Variants in GRIN2B observed in about 807,000 individuals in gnomAD.
GRIN2B encodes glutamate ionotropic receptor NMDA type subunit 2B, also known as glutamate receptor ionotropic, NMDA 2B.
A neutral mutation model predicts 114.5 loss-of-function variants in GRIN2B; 5 were observed. The ratio of observed to expected loss-of-function variants is 0.04; its 90% CI spans 0.02 to 0.09. The LOEUF is 0.09. GRIN2B is among the 10% of genes least tolerant of loss of function. GRIN2B has a pLI of 1.00. For missense variants in GRIN2B, 1,108 were observed against 1,943.5 expected (o/e 0.57, Z 8.08); for synonymous variants, 787 against 745.1 (o/e 1.06, Z -0.92).
Position 13,552,955 on chromosome 12 carries a change from C to G in GRIN2B, c.*9828G>C, listed in dbSNP as rs1348858150. The G allele has an allele frequency of 6.6e-6, 1 of 152,104 alleles. No homozygotes were observed. Among genetic ancestry groups the G allele is most frequent in the Non-Finnish European group, 1.5e-5 (1 of 68,012 alleles). The allele number at this position is 152,104 out of a possible 1,614,324, so 9.4% of individuals were successfully genotyped here. A position where few individuals can be genotyped will look rare whatever the true frequency, so the allele number is the denominator to read the frequency against. Reference sequence around the variant, plus strand: ...CTGTAACTTATTTGAGTTCAGTTCTCTATAGTATGCTTTAAATTAGCACAC... The same window carrying G: ...CTGTAACTTATTTGAGTTCAGTTCTGTATAGTATGCTTTAAATTAGCACAC... On this transcript the variant is annotated 3_prime_UTR_variant, in exon 14 of 14. Coordinates refer to ENST00000609686, the MANE Select transcript of GRIN2B (RefSeq NM_000834.5).
At chr12:13,622,849 A>C (rs984746404) in intron 5 of GRIN2B, among the ~76,000 whole-genome samples, 1 of 152,244 alleles carries the variant, frequency 6.6e-6, no homozygotes, top group Non-Finnish European at 1.5e-5. Context: ...GCAGAGCCTC[A>C]GGACCTAATT....
At chr12:13,875,537 A>G (rs886634950) in intron 2 of GRIN2B, among the ~76,000 whole-genome samples, 1 of 152,122 alleles carries the variant, frequency 6.6e-6, no homozygotes, top group African/African-American at 2.4e-5. Context: ...AAAGAAATAA[A>G]AAGTAAAAAA....
chr12:13,934,909 G>C (rs528045024), intron 2 of GRIN2B, among the ~76,000 whole-genome samples: 1 of 152,138 alleles, frequency 6.6e-6, no homozygotes, highest in Non-Finnish European at 1.5e-5. Context: ...ACTCTGCTCT[G>C]GTACTCTTCT....
intron 4 of GRIN2B, among the ~76,000 whole-genome samples, chr12:13,723,916 C>T (rs7970407): frequency 0.32 from 48,151 of 151,924 alleles, 8,405 homozygotes; most frequent in East Asian, 0.58. Context: ...GGCAATGCTA[C>T]CAAAGAGACT....
chr12:13,830,467 T>A, intron 3 of GRIN2B, among the ~76,000 whole-genome samples: 1 of 152,194 alleles, frequency 6.6e-6, no homozygotes, highest in East Asian at 1.9e-4. Context: ...ATAGAGAAAC[T>A]ATAGCAAACA....
intron 5 of GRIN2B, among the ~76,000 whole-genome samples, chr12:13,665,514 C>A (rs906864073): frequency 6.6e-6 from 1 of 152,124 alleles, no homozygotes; most frequent in African/African-American, 2.4e-5. Flanking sequence ...TAGTTGTACT[C>A]TTATACTCCA....
chr12:13,693,711 G>T (rs377220733), intron 4 of GRIN2B, among the ~76,000 whole-genome samples: 12 of 152,110 alleles, frequency 7.9e-5, no homozygotes, highest in Admixed American at 3.9e-4. Context: ...GTGTAGACAG[G>T]CATGGAAACC....
Position 13,939,539 on chromosome 12 carries a change from C to T in GRIN2B, c.-19+40389G>A, listed in dbSNP as rs933753428. Among the ~76,000 whole-genome samples, 19 of 117,904 alleles carry T rather than the reference C, an allele frequency of 1.6e-4. No individual in the cohort carries two copies. In the Admixed American group the frequency reaches 1.7e-3, roughly 10 times the overall value. 77.3% of individuals were successfully genotyped at this position (117,904 alleles called of 152,430 possible). A position where few individuals can be genotyped will look rare whatever the true frequency, so the allele number is the denominator to read the frequency against. On this transcript the variant is annotated intron_variant, in intron 2 of 13. Coordinates refer to ENST00000609686, the MANE Select transcript of GRIN2B (RefSeq NM_000834.5). ...TCACCAGAAAGACAGATGCCTGCAC[C>T]GTGCTTTTTTTTTTTTTTTTTTTTT... is the stretch of plus-strand genomic sequence containing the variant.
At position 13,870,345 on chromosome 12, in the gene GRIN2B, A is replaced by G. The variant is rs182053733; in HGVS notation, c.-18-4119T>C. Among the ~76,000 whole-genome samples the G allele has an allele frequency of 2.6e-5, 4 of 152,282 alleles. No homozygotes were observed. In the East Asian group the frequency reaches 7.7e-4, roughly 29 times the overall value. Reference sequence around the variant, plus strand: ...CCAGAAGGACCAGCAACAAAGCAGCAGGATTAGAGAGTTGACTGTTCACTC... The same window carrying G: ...CCAGAAGGACCAGCAACAAAGCAGCGGGATTAGAGAGTTGACTGTTCACTC... On this transcript the variant is annotated intron_variant, in intron 2 of 13. Coordinates refer to ENST00000609686, the MANE Select transcript of GRIN2B (RefSeq NM_000834.5).
At position 13,780,265 on chromosome 12, in the gene GRIN2B, C is replaced by T. The variant is rs531929843; in HGVS notation, c.412-26350G>A. ...TTTTTATTTACCTATTGTATGCATC[C>T]TTATTTACCATAGAGCTATTTAAAA... On this transcript the variant is annotated intron_variant, in intron 3 of 13. Transcript: ENST00000609686. 4.6e-5 allele frequency among the ~76,000 whole-genome samples: 7 copies of T among 152,044 alleles called. No individual in the cohort carries two copies. In the South Asian group the frequency reaches 1.5e-3, roughly 32 times the overall value.
rs1225201117 is a variant in GRIN2B at position 13,548,386 on chromosome 12, A to G, written c.*14397T>C. 1 of 152,036 alleles carries G rather than the reference A, an allele frequency of 6.6e-6. No homozygotes were observed. The highest frequency in any genetic ancestry group is 2.4e-5 in the African/African-American group (1 of 41,378). 9.4% of individuals were successfully genotyped at this position (152,036 alleles called of 1,614,324 possible). On this transcript the variant is annotated 3_prime_UTR_variant, in exon 14 of 14. Coordinates refer to ENST00000609686, the MANE Select transcript of GRIN2B (RefSeq NM_000834.5). Reference sequence around the variant, plus strand: ...AGCTGAACTTTTCATTTCTATTTTAATATTTAATACTAAGTACAAGAGCTC... The same window carrying G: ...AGCTGAACTTTTCATTTCTATTTTAGTATTTAATACTAAGTACAAGAGCTC...
chr12:13,601,822 C>A (rs1949165856), intron 10 of GRIN2B, among the ~76,000 whole-genome samples: 1 of 152,134 alleles, frequency 6.6e-6, no homozygotes, highest in South Asian at 2.1e-4. Flanking sequence ...TGGAGGGTGA[C>A]CCACTACTAA....
At chr12:13,683,212 A>G (rs1224564060) in intron 4 of GRIN2B, among the ~76,000 whole-genome samples, 1 of 152,178 alleles carries the variant, frequency 6.6e-6, no homozygotes, top group African/African-American at 2.4e-5. Context: ...AAATCTGGAC[A>G]ATGCCCCAAA....
At chr12:13,630,845 T>C (rs1949610089) in intron 5 of GRIN2B, among the ~76,000 whole-genome samples, 1 of 152,214 alleles carries the variant, frequency 6.6e-6, no homozygotes. Flanking sequence ...TAAAAAGTAC[T>C]ACCTTACACT....
At chr12:13,735,815 G>C (rs1198182654) in intron 4 of GRIN2B, among the ~76,000 whole-genome samples, 1 of 152,046 alleles carries the variant, frequency 6.6e-6, no homozygotes, top group African/African-American at 2.4e-5. Context: ...CCAATAACCA[G>C]AATGACTGAT....
chr12:13,793,219 G>A (rs1159329677), intron 3 of GRIN2B, among the ~76,000 whole-genome samples: 1 of 152,084 alleles, frequency 6.6e-6, no homozygotes, highest in African/African-American at 2.4e-5. Context: ...CCAGGAGCTC[G>A]AGACCAGCCT....
At chr12:13,716,072 C>CAA (rs1950452718) in intron 4 of GRIN2B, among the ~76,000 whole-genome samples, 1 of 151,944 alleles carries the variant, frequency 6.6e-6, no homozygotes, top group East Asian at 1.9e-4. Context: ...TAAAAGCCTA[C>CAA]AAAGAAAGTC....
chr12:13,621,279 G>T (rs1460906660), intron 5 of GRIN2B, among the ~76,000 whole-genome samples: 1 of 152,182 alleles, frequency 6.6e-6, no homozygotes, highest in Admixed American at 6.5e-5. Context: ...CCGAAGTGGT[G>T]TGAGTCTACA....
At chr12:13,862,469 A>T (rs1865766379) in intron 3 of GRIN2B, among the ~76,000 whole-genome samples, 1 of 152,188 alleles carries the variant, frequency 6.6e-6, no homozygotes, top group Non-Finnish European at 1.5e-5. Context: ...TAGAAGGCTT[A>T]TTGATCATCC....
Sources: gnomAD v4.1 joint callset for allele counts (sites outside exome capture counted in the v4.1 genomes callset) on GRCh38, gnomAD v4.1.1 for gene constraint, MANE v1.5 for transcripts, NCBI Gene and HGNC (gene_info 2026-07-23, HGNC 2026-07-21) for gene names.